RCOR1: variants seen among roughly 807,000 people sequenced by gnomAD.
RCOR1 encodes REST corepressor.
A neutral mutation model predicts 64.0 loss-of-function variants in RCOR1; 12 were observed. The ratio of observed to expected loss-of-function variants is 0.19; its 90% CI spans 0.12 to 0.30. The LOEUF is 0.30. RCOR1 is among the 10% of genes least tolerant of loss of function. The pLI is 1.00. For missense variants in RCOR1, 502 were observed against 621.2 expected (o/e 0.81, Z 2.04); for synonymous variants, 279 against 227.2 (o/e 1.23, Z -2.05).
chr14:102,705,321 A>G (rs1895829142), intron 4 of RCOR1, among the ~76,000 whole-genome samples: 1 of 152,070 alleles, frequency 6.6e-6, no homozygotes, highest in African/African-American at 2.4e-5. Context: ...ATCACGTTCT[A>G]ATTGCTTGGC....
At chr14:102,623,250 G>C (rs1472155082) in intron 2 of RCOR1, among the ~76,000 whole-genome samples, 1 of 151,810 alleles carries the variant, frequency 6.6e-6, no homozygotes, top group East Asian at 1.9e-4. Flanking sequence ...TAGTCCTTTT[G>C]ATCTTCCTTT....
chr14:102,678,414 C>T (rs936069250), intron 2 of RCOR1, among the ~76,000 whole-genome samples: 1 of 152,122 alleles, frequency 6.6e-6, no homozygotes, highest in Non-Finnish European at 1.5e-5. Context: ...ATTCTCCTGC[C>T]TCAGCCTCCT....
intron 2 of RCOR1, among the ~76,000 whole-genome samples, chr14:102,670,751 A>G (rs1475811311): frequency 6.7e-6 from 1 of 149,186 alleles, no homozygotes; most frequent in Non-Finnish European, 1.5e-5. Flanking sequence ...TTATATATAT[A>G]TATATATTTA....
chr14:102,614,350 G>T (rs1246280735), intron 2 of RCOR1, among the ~76,000 whole-genome samples: 1 of 148,852 alleles, frequency 6.7e-6, no homozygotes, highest in Non-Finnish European at 1.5e-5. Context: ...TCAGCCCCCC[G>T]AGTAGCTGGG....
At chr14:102,698,088 A>G (rs191251855) in intron 3 of RCOR1, among the ~76,000 whole-genome samples, 6 of 152,342 alleles carry the variant, frequency 3.9e-5, no homozygotes, top group African/African-American at 1.4e-4. Flanking sequence ...ATTGTTTACA[A>G]TATGGCAGAT....
At chr14:102,638,061 G>A (rs914209873) in intron 2 of RCOR1, among the ~76,000 whole-genome samples, 2 of 152,174 alleles carry the variant, frequency 1.3e-5, no homozygotes, top group African/African-American at 2.4e-5. Context: ...CCAGATTGCA[G>A]ATTTACCATG....
chr14:102,646,580 T>C (rs1894481620), intron 2 of RCOR1, among the ~76,000 whole-genome samples: 1 of 152,186 alleles, frequency 6.6e-6, no homozygotes, highest in Non-Finnish European at 1.5e-5. Context: ...CAGAAAGTAG[T>C]AGGCAAAGAC....
chr14:102,722,125 C>G, intron 10 of RCOR1, 62 bp from the exon 11 acceptor site: 1 of 1,238,974 alleles, frequency 8.1e-7, no homozygotes, highest in Non-Finnish European at 1.2e-6. Flanking sequence ...GTAAGTGTCA[C>G]TTGTGGTTTT....
At chr14:102,712,046 G>A (rs958581445) in intron 7 of RCOR1, among the ~76,000 whole-genome samples, 8 of 151,336 alleles carry the variant, frequency 5.3e-5, no homozygotes, top group African/African-American at 1.9e-4. Flanking sequence ...AGGGTCTCCT[G>A]TGTCACCCAG....
At chr14:102,638,030 C>T (rs1894283367) in intron 2 of RCOR1, among the ~76,000 whole-genome samples, 1 of 151,524 alleles carries the variant, frequency 6.6e-6, no homozygotes, top group Non-Finnish European at 1.5e-5. Flanking sequence ...CAAAAACGAA[C>T]AAAAAAAAAT....
chr14:102,601,290 G>A (rs1893391247), intron 2 of RCOR1, among the ~76,000 whole-genome samples: 1 of 152,122 alleles, frequency 6.6e-6, no homozygotes, highest in African/African-American at 2.4e-5. Context: ...TGGGATTACA[G>A]GCTTGAGCCA....
intron 10 of RCOR1, 147 bp downstream of exon 10, chr14:102,721,524 C>A: frequency 2.1e-6 from 1 of 467,218 alleles, no homozygotes; most frequent in Non-Finnish European, 3.8e-6. Flanking sequence ...GCATTCCAGC[C>A]TGGACAACAG....
chr14:102,628,513 G>T, intron 2 of RCOR1, among the ~76,000 whole-genome samples: 1 of 145,740 alleles, frequency 6.9e-6, no homozygotes, highest in Admixed American at 6.9e-5. Context: ...GTCTTGCTCT[G>T]TTGCCCAGTG....
chr14:102,629,680 G>A (rs919512108), intron 2 of RCOR1, among the ~76,000 whole-genome samples: 1 of 152,130 alleles, frequency 6.6e-6, no homozygotes, highest in African/African-American at 2.4e-5. Context: ...ACATGGATGA[G>A]CTGATACAAT....
At chr14:102,659,159 T>C (rs1404485919) in intron 2 of RCOR1, 11 of 985,256 alleles carry the variant, frequency 1.1e-5, no homozygotes, top group Non-Finnish European at 1.3e-5. Flanking sequence ...TATTTGACTT[T>C]TTAAAAAGAA....
At chr14:102,641,647 A>G (rs1369408969) in intron 2 of RCOR1, among the ~76,000 whole-genome samples, 2 of 152,150 alleles carry the variant, frequency 1.3e-5, no homozygotes, top group Admixed American at 6.6e-5. Flanking sequence ...TGTACCAGCT[A>G]CTATGATAGG....
intron 2 of RCOR1, among the ~76,000 whole-genome samples, chr14:102,616,835 AT>A (rs1317385118): frequency 1.3e-5 from 2 of 152,170 alleles, no homozygotes; most frequent in Non-Finnish European, 2.9e-5. Context: ...GGGATGACTG[AT>A]TAAATCTTTT....
intron 2 of RCOR1, among the ~76,000 whole-genome samples, chr14:102,669,951 A>G (rs999216310): frequency 6.6e-6 from 1 of 152,176 alleles, no homozygotes; most frequent in Non-Finnish European, 1.5e-5. Flanking sequence ...ATTTAAGAAT[A>G]AGAATTATAA....
At chr14:102,633,890 G>A (rs1260123898) in intron 2 of RCOR1, among the ~76,000 whole-genome samples, 2 of 152,100 alleles carry the variant, frequency 1.3e-5, no homozygotes, top group Non-Finnish European at 2.9e-5. Flanking sequence ...GACTATAAAA[G>A]AAAATTCTAA....
Sources: allele counts gnomAD v4.1 joint callset (sites outside exome capture counted in the v4.1 genomes callset), GRCh38; gene constraint gnomAD v4.1.1; transcripts MANE v1.5; gene names NCBI Gene and HGNC (gene_info 2026-07-23, HGNC 2026-07-21).